The following ZNF30 variants were observed in gnomAD, a reference collection of about 807,000 sequenced individuals.
ZNF30 encodes zinc finger protein 30 (KOX 28).
ZNF30 carries 15 observed loss-of-function variants against 13.2 expected under a neutral mutation model. The ratio of observed to expected loss-of-function variants is 1.13; its 90% CI spans 0.76 to 1.75. The LOEUF (loss-of-function observed/expected upper bound fraction) is 1.75. Among genes scored for constraint, ZNF30 ranks in the 40% most tolerant of loss-of-function variants. ZNF30 has a pLI of 0.00. For missense variants in ZNF30, 726 were observed against 757.0 expected, an observed-to-expected ratio of 0.96 and a Z score of 0.48; for synonymous variants, 223 against 256.6, an observed-to-expected ratio of 0.87 and a Z score of 1.25.
chr19:34,943,844 G>A lies in ZNF30; in HGVS notation c.878G>A (p.Cys293Tyr). 3 of 1,614,140 alleles carry A rather than the reference G, an allele frequency of 1.9e-6. No individual in the cohort carries two copies. Among genetic ancestry groups the A allele is most frequent in the Non-Finnish European group, 2.5e-6 (3 of 1,180,018 alleles). ...TSEKPYECKECGKAFSTSSPL... is the reference protein window; with the variant it reads ...TSEKPYECKEYGKAFSTSSPL... ...GAAAAACCTTACGAATGCAAAGAAT[G>A]TGGGAAGGCCTTTAGCACTAGCTCA... is the stretch of plus-strand genomic sequence containing the variant. Residue 293 changes from cysteine to tyrosine, a missense_variant, in exon 5 of 5, where the codon TGT becomes TAT. Coordinates refer to ENST00000601142, the MANE Select transcript of ZNF30 (RefSeq NM_194325.3).
At chr19:34,924,178 C>T (rs1217121051), upstream of ZNF30, among the ~76,000 whole-genome samples, 1 of 152,088 alleles carries the variant, frequency 6.6e-6, no homozygotes, top group African/African-American at 2.4e-5. Flanking sequence ...AACACAAGGG[C>T]ATAGCAGTAA....
At chr19:34,936,160 C>CT (rs2012727508) in intron 4 of ZNF30, among the ~76,000 whole-genome samples, 1 of 152,186 alleles carries the variant, frequency 6.6e-6, no homozygotes, top group South Asian at 2.1e-4. Context: ...CAGCCAAACC[C>CT]TATCAACCAT....
intron 4 of ZNF30, among the ~76,000 whole-genome samples, chr19:34,939,148 TCCCCTCCC>T (rs1568541783): frequency 0.099 from 2,388 of 24,064 alleles, 75 homozygotes; most frequent in Middle Eastern, 0.29. Context: ...TCCCCTCCCC[TCCCCTCCC>T]TCCCCTCCCT....
chr19:34,944,966 T>C lies in ZNF30; in HGVS notation c.*128T>C. 1.2e-6 allele frequency: 1 copy of C among 851,032 alleles called. No individual in the cohort carries two copies. The highest frequency in any genetic ancestry group is 1.7e-6 in the Non-Finnish European group (1 of 585,406). The allele number at this position is 851,032 out of a possible 1,614,324, so 52.7% of individuals were successfully genotyped here. A position where few individuals can be genotyped will look rare whatever the true frequency, so the allele number is the denominator to read the frequency against. Reference sequence around the variant, plus strand: ...AGGTCTATTCTCATCTTATAATTCATAATATAACTCAGAAAACATAAGAAT... The same window carrying C: ...AGGTCTATTCTCATCTTATAATTCACAATATAACTCAGAAAACATAAGAAT... On this transcript the variant is annotated 3_prime_UTR_variant, in exon 5 of 5. Transcript: ENST00000601142.
In ZNF30 at chr19:34,945,088, G is replaced by T; in HGVS notation, c.*250G>T. 1 of 401,110 alleles carries T rather than the reference G, an allele frequency of 2.5e-6. No individual in the cohort carries two copies. The highest frequency in any genetic ancestry group is 8.5e-5 in the South Asian group (1 of 11,778). The allele number at this position is 401,110 out of a possible 1,614,324, so 24.8% of individuals were successfully genotyped here. On this transcript the variant is annotated 3_prime_UTR_variant, in exon 5 of 5. Coordinates refer to ENST00000601142, the MANE Select transcript of ZNF30 (RefSeq NM_194325.3). ...GTTATTACTTAATGGTTACAGCACT[G>T]ACAGCATGAACTTTTATATGATGCA... is the stretch of plus-strand genomic sequence containing the variant.
intron 4 of ZNF30, among the ~76,000 whole-genome samples, chr19:34,941,181 AG>A (rs779176106): frequency 6.6e-6 from 1 of 152,180 alleles, no homozygotes; most frequent in Non-Finnish European, 1.5e-5. Context: ...CCCCATTTTG[AG>A]GGTCCTCTTG....
chr19:34,930,381 T>A (rs2012383702), intron 2 of ZNF30, among the ~76,000 whole-genome samples: 1 of 152,204 alleles, frequency 6.6e-6, no homozygotes, highest in Admixed American at 6.5e-5. Context: ...TGAGATAACA[T>A]GCTCTATGAG....
At position 34,944,052 on chromosome 19, in the gene ZNF30, T is replaced by A. The variant is rs759041966; in HGVS notation, c.1086T>A (p.His362Gln). The change falls in exon 5 of 5, where the codon CAT (histidine) becomes CAA (glutamine). Residue 362 changes from histidine to glutamine, a missense_variant. Physicochemically the swap from His to Gln is conservative, Grantham distance 24. Transcript: ENST00000601142. The part of the protein sequence containing the change: ...AFRLSSFLHA[H>Q]QRIHAEIKPY... ...GACTTAGTTCCTTCCTTCATGCACA[T>A]CAGCGAATTCATGCAGAGATAAAGC... 1 of 1,613,976 alleles carries A rather than the reference T, an allele frequency of 6.2e-7. No individual in the cohort carries two copies. Among genetic ancestry groups the A allele is most frequent in the South Asian group, 1.1e-5 (1 of 90,984 alleles).
At chr19:34,926,795 A>G (rs2012091612), upstream of ZNF30, 2 of 395,820 alleles carry the variant, frequency 5.1e-6, no homozygotes, top group Admixed American at 4.4e-5. Context: ...CTCAGGTGTC[A>G]GACGCCCCAG....
At chr19:34,942,140 G>C (rs190782138) in intron 4 of ZNF30, among the ~76,000 whole-genome samples, 57 of 152,216 alleles carry the variant, frequency 3.7e-4, no homozygotes, top group Non-Finnish European at 2.1e-4. Flanking sequence ...ATTTTATTAC[G>C]ATTATTTCTT....
intron 3 of ZNF30, among the ~76,000 whole-genome samples, chr19:34,933,313 C>T (rs578108499): frequency 6.6e-6 from 1 of 151,810 alleles, no homozygotes; most frequent in African/African-American, 2.4e-5. Flanking sequence ...ATTAGCTGGG[C>T]GTGGTGGCAC....
At position 34,945,078 on chromosome 19, in the gene ZNF30, T is replaced by A; in HGVS notation, c.*240T>A. Reference sequence around the variant, plus strand: ...AGTGGGAAACGTTATTACTTAATGGTTACAGCACTGACAGCATGAACTTTT... The same window carrying A: ...AGTGGGAAACGTTATTACTTAATGGATACAGCACTGACAGCATGAACTTTT... On this transcript the variant is annotated 3_prime_UTR_variant, in exon 5 of 5. Coordinates refer to ENST00000601142, the MANE Select transcript of ZNF30 (RefSeq NM_194325.3). The A allele has an allele frequency of 6.3e-5, 27 of 427,850 alleles. No homozygotes were observed. The highest frequency in any genetic ancestry group is 3.7e-4 in the South Asian group (5 of 13,560). The allele number at this position is 427,850 out of a possible 1,614,324, so 26.5% of individuals were successfully genotyped here. A position where few individuals can be genotyped will look rare whatever the true frequency, so the allele number is the denominator to read the frequency against.
intron 4 of ZNF30, 119 bp downstream of exon 4, chr19:34,933,842 G>T: frequency 1.6e-6 from 1 of 627,082 alleles, no homozygotes; most frequent in Non-Finnish European, 2.8e-6. Flanking sequence ...GGGCCTGGGT[G>T]GAAAAAGGCT....
intron 1 of ZNF30, among the ~76,000 whole-genome samples, chr19:34,928,868 A>G (rs1235986088): frequency 6.6e-6 from 1 of 152,236 alleles, no homozygotes; most frequent in Non-Finnish European, 1.5e-5. Flanking sequence ...TTTATAAATT[A>G]AACTTAATCA....
chr19:34,938,893 C>T (rs375283603), intron 4 of ZNF30, among the ~76,000 whole-genome samples: 4 of 152,108 alleles, frequency 2.6e-5, no homozygotes, highest in South Asian at 2.1e-4. Flanking sequence ...TGCAGAGAGA[C>T]GAGACACACA....
chr19:34,938,706 T>C (rs1209402192), intron 4 of ZNF30, among the ~76,000 whole-genome samples: 1 of 152,158 alleles, frequency 6.6e-6, no homozygotes, highest in Non-Finnish European at 1.5e-5. Context: ...AGGTTCATCT[T>C]AGGCTCAACT....
chr19:34,935,403 T>G (rs1349430668), intron 4 of ZNF30, among the ~76,000 whole-genome samples: 1 of 152,104 alleles, frequency 6.6e-6, no homozygotes, highest in Non-Finnish European at 1.5e-5. Flanking sequence ...CTAATCACAG[T>G]TACCTTTCTC....
chr19:34,944,900 T>C lies in ZNF30; in HGVS notation c.*62T>C. 6.9e-7 allele frequency: 1 copy of C among 1,447,304 alleles called. No homozygotes were observed. The allele number at this position is 1,447,304 out of a possible 1,614,324, so 89.7% of individuals were successfully genotyped here. ...TCAAACATTGTTGAACATCGGGGAATTTATGCTGGTAGGAAACTTTCAAAT... is the reference window on the plus strand; with the variant it reads ...TCAAACATTGTTGAACATCGGGGAACTTATGCTGGTAGGAAACTTTCAAAT... On this transcript the variant is annotated 3_prime_UTR_variant, in exon 5 of 5. Transcript: ENST00000601142.
At chr19:34,938,692 C>CT (rs2012867807) in intron 4 of ZNF30, among the ~76,000 whole-genome samples, 2 of 133,042 alleles carry the variant, frequency 1.5e-5, no homozygotes, top group Non-Finnish European at 3.3e-5. Context: ...GCAGTGCCCA[C>CT]CGGAGGTTCA....
Sources: allele counts gnomAD v4.1 joint callset (sites outside exome capture counted in the v4.1 genomes callset), GRCh38; gene constraint gnomAD v4.1.1; transcripts MANE v1.5; gene names NCBI Gene and HGNC (gene_info 2026-07-23, HGNC 2026-07-21).